The following RIMS2 variants were observed in gnomAD, a reference collection of about 807,000 sequenced individuals.
RIMS2 encodes regulating synaptic membrane exocytosis 2, also known as regulating synaptic membrane exocytosis protein 2.
In RIMS2, 59 loss-of-function variants were observed where a neutral mutation model predicts 174.4. The observed-to-expected ratio is 0.34, with a 90% CI of 0.27 to 0.42. The LOEUF (loss-of-function observed/expected upper bound fraction) is 0.42. Ranked by LOEUF, RIMS2 falls within the 10% of genes least tolerant of loss-of-function variation. The pLI is 1.00. For synonymous variants in RIMS2, 606 were observed against 572.5 expected (o/e 1.06, Z -0.84); for missense variants, 1,620 against 1,666.3 (o/e 0.97, Z 0.48).
intron 1 of RIMS2, among the ~76,000 whole-genome samples, chr8:103,609,896 C>T (rs2095307407): frequency 6.6e-6 from 1 of 152,172 alleles, no homozygotes; most frequent in Non-Finnish European, 1.5e-5. Flanking sequence ...ATAAGAATAG[C>T]AGTGAATCTG....
intron 17 of RIMS2, among the ~76,000 whole-genome samples, chr8:104,009,550 A>G (rs1405264262): frequency 1.3e-5 from 2 of 151,966 alleles, no homozygotes; most frequent in Non-Finnish European, 2.9e-5. Flanking sequence ...GTCTGCCTCA[A>G]TCTGAAAGTG....
At chr8:103,880,161 G>A (rs557468906) in intron 3 of RIMS2, among the ~76,000 whole-genome samples, 42 of 151,718 alleles carry the variant, frequency 2.8e-4, no homozygotes, top group Middle Eastern at 3.4e-3. Context: ...ATTTTATGGT[G>A]AAAGCTTAAG....
At chr8:103,894,172 T>A (rs1300460058) in intron 4 of RIMS2, among the ~76,000 whole-genome samples, 1 of 146,426 alleles carries the variant, frequency 6.8e-6, no homozygotes, top group Non-Finnish European at 1.5e-5. Context: ...TAAGAGAAAC[T>A]TATACTGTGG....
At chr8:103,628,400 C>T (rs1347781263) in intron 1 of RIMS2, among the ~76,000 whole-genome samples, 2 of 150,264 alleles carry the variant, frequency 1.3e-5, no homozygotes, top group African/African-American at 2.4e-5. Context: ...GTTGCCCAGG[C>T]CTGGAGTACA....
chr8:103,642,918 T>C (rs12678635), intron 1 of RIMS2, among the ~76,000 whole-genome samples: 26,150 of 151,944 alleles, frequency 0.17, 3,196 homozygotes, highest in East Asian at 0.61. Flanking sequence ...CTGTTTGGTG[T>C]TCTCTGAGCT....
chr8:104,079,568 A>C (rs528944916), intron 19 of RIMS2, among the ~76,000 whole-genome samples: 1 of 139,982 alleles, frequency 7.1e-6, no homozygotes, highest in South Asian at 2.3e-4. Context: ...CTTTCCAATC[A>C]AATTTCACAT....
chr8:103,762,380 T>C (rs1456669185), intron 2 of RIMS2, among the ~76,000 whole-genome samples: 2 of 152,176 alleles, frequency 1.3e-5, no homozygotes, highest in Non-Finnish European at 1.5e-5. Context: ...GGCATATATA[T>C]TTCTAACATA....
intron 2 of RIMS2, among the ~76,000 whole-genome samples, chr8:103,752,090 T>C (rs1392348547): frequency 7.2e-5 from 11 of 152,174 alleles, no homozygotes; most frequent in East Asian, 1.9e-4. Context: ...TTAGGTCTAA[T>C]GTTTAAGTCT....
chr8:103,902,220 T>G (rs1411393398), intron 4 of RIMS2, among the ~76,000 whole-genome samples: 2 of 152,206 alleles, frequency 1.3e-5, no homozygotes, highest in Admixed American at 1.3e-4. Flanking sequence ...TCCTAAAGGC[T>G]GCCTGCATTT....
intron 19 of RIMS2, among the ~76,000 whole-genome samples, chr8:104,014,907 A>G (rs1427646106): frequency 6.6e-6 from 1 of 152,204 alleles, no homozygotes; most frequent in East Asian, 1.9e-4. Context: ...TTTCTTTGCT[A>G]CAAATAAGTT....
At chr8:103,675,817 C>G (rs867096091) in intron 1 of RIMS2, among the ~76,000 whole-genome samples, 6 of 152,002 alleles carry the variant, frequency 3.9e-5, no homozygotes, top group Admixed American at 2.0e-4. Context: ...AAAAGCAGAT[C>G]TTTTAGCTTT....
chr8:104,027,201 A>T (rs997121266), intron 19 of RIMS2, among the ~76,000 whole-genome samples: 3 of 152,178 alleles, frequency 2.0e-5, no homozygotes, highest in Admixed American at 6.6e-5. Context: ...ACTAAAGCAG[A>T]GGTTGGAATA....
chr8:104,080,460 A>C (rs368302997), intron 19 of RIMS2, among the ~76,000 whole-genome samples: 1 of 152,010 alleles, frequency 6.6e-6, no homozygotes, highest in African/African-American at 2.4e-5. Flanking sequence ...ACATGTTCTC[A>C]CAAGTGCCTG....
At chr8:103,819,748 G>C in intron 3 of RIMS2, 2 of 689,430 alleles carry the variant, frequency 2.9e-6, no homozygotes, top group Non-Finnish European at 4.5e-6. Context: ...TCTGTTTACT[G>C]TAAATATAAA....
intron 2 of RIMS2, among the ~76,000 whole-genome samples, chr8:103,739,163 A>G (rs1174627052): frequency 2.0e-5 from 3 of 152,198 alleles, no homozygotes; most frequent in African/African-American, 7.2e-5. Flanking sequence ...GATTAAGAAA[A>G]TGTGGCACAT....
chr8:103,640,718 A>G (rs1476384660), intron 1 of RIMS2, among the ~76,000 whole-genome samples: 1 of 152,034 alleles, frequency 6.6e-6, no homozygotes, highest in Non-Finnish European at 1.5e-5. Context: ...CTCAGAGCAT[A>G]TTTTGAATGA....
intron 20 of RIMS2, among the ~76,000 whole-genome samples, chr8:104,247,539 T>A (rs1234217172): frequency 6.6e-6 from 1 of 152,126 alleles, no homozygotes; most frequent in Non-Finnish European, 1.5e-5. Context: ...GGCTTCAACA[T>A]AAGAATTTTG....
chr8:104,164,947 A>T (rs2098788155), intron 19 of RIMS2, among the ~76,000 whole-genome samples: 1 of 152,128 alleles, frequency 6.6e-6, no homozygotes, highest in African/African-American at 2.4e-5. Context: ...CTGTATATGT[A>T]CCCCTGAACT....
In RIMS2 at chr8:103,600,685, G is replaced by C. The variant is rs752736403; in HGVS notation, c.177-96401G>C. On this transcript the variant is annotated intron_variant, in intron 1 of 23. Transcript: ENST00000504942. ...AGTGCAGATCTCTCTTCAATATGCT[G>C]ATTTCCTTGTTTTGGCTGTGTAACC... Among the ~76,000 whole-genome samples, 5 of 152,096 alleles carry C rather than the reference G, an allele frequency of 3.3e-5. No homozygotes were observed. In the East Asian group the frequency reaches 9.7e-4, roughly 29 times the overall value.
Sources: gnomAD v4.1 joint callset for allele counts (sites outside exome capture counted in the v4.1 genomes callset) on GRCh38, gnomAD v4.1.1 for gene constraint, MANE v1.5 for transcripts, NCBI Gene and HGNC (gene_info 2026-07-23, HGNC 2026-07-21) for gene names.